MPHOSPH8: variants seen among roughly 807,000 people sequenced by gnomAD.
The protein encoded by MPHOSPH8 is M-phase phosphoprotein, mpp.
In MPHOSPH8, 45 loss-of-function variants were observed where a neutral mutation model predicts 87.3. The ratio of observed to expected loss-of-function variants is 0.52; its 90% confidence interval spans 0.41 to 0.66. The LOEUF is 0.66. MPHOSPH8 is among the 30% of genes least tolerant of loss of function. MPHOSPH8 has a pLI of 0.00. For synonymous variants in MPHOSPH8, 366 were observed against 376.9 expected (o/e 0.97, Z 0.33); for missense variants, 883 against 1,020.2 (o/e 0.87, Z 1.83).
intron 9 of MPHOSPH8, among the ~76,000 whole-genome samples, chr13:19,665,496 C>T (rs994109928): frequency 4.7e-5 from 7 of 148,952 alleles, no homozygotes; most frequent in Admixed American, 1.4e-4. Context: ...CGCTCTGTCC[C>T]GAGCCTGTCC....
chr13:19,634,584 G>A (rs1265632235), intron 1 of MPHOSPH8, among the ~76,000 whole-genome samples: 1 of 152,154 alleles, frequency 6.6e-6, no homozygotes, highest in Non-Finnish European at 1.5e-5. Context: ...TTCTTCTGGT[G>A]AAATCTTACT....
At chr13:19,652,977 C>T (rs539148933) in intron 5 of MPHOSPH8, among the ~76,000 whole-genome samples, 9 of 152,158 alleles carry the variant, frequency 5.9e-5, no homozygotes, top group Non-Finnish European at 8.8e-5. Context: ...CAGAGCAACT[C>T]GGGGAAGGGG....
At chr13:19,634,166 CA>C (rs1873865612) in intron 1 of MPHOSPH8, among the ~76,000 whole-genome samples, 1 of 152,154 alleles carries the variant, frequency 6.6e-6, no homozygotes, top group Admixed American at 6.5e-5. Flanking sequence ...GAAGCTTCAG[CA>C]AATTTTGGAG....
intron 5 of MPHOSPH8, among the ~76,000 whole-genome samples, chr13:19,655,038 C>T (rs1186887463): frequency 6.6e-6 from 1 of 152,112 alleles, no homozygotes; most frequent in East Asian, 1.9e-4. Context: ...TAATCTGGCC[C>T]TGTTTTAAAA....
chr13:19,634,133 C>T (rs940861422), intron 1 of MPHOSPH8, among the ~76,000 whole-genome samples, 172 bp downstream of exon 1: 3 of 152,184 alleles, frequency 2.0e-5, no homozygotes, highest in African/African-American at 4.8e-5. Flanking sequence ...TCCAACTGCA[C>T]TCTTAGGGCT....
intron 10 of MPHOSPH8, among the ~76,000 whole-genome samples, chr13:19,667,265 G>A (rs1261812335): frequency 6.6e-6 from 1 of 152,050 alleles, no homozygotes; most frequent in South Asian, 2.1e-4. Context: ...GTTGAGCGGA[G>A]GGTACAGATT....
At chr13:19,648,274 G>A (rs1316978883) in intron 3 of MPHOSPH8, 148 bp from the exon 4 acceptor site, 3 of 421,114 alleles carry the variant, frequency 7.1e-6, no homozygotes, top group Non-Finnish European at 1.3e-5. Context: ...ATTCTTTTGT[G>A]TGAAGAGGAT....
At chr13:19,656,205 G>A (rs1157029849) in intron 5 of MPHOSPH8, among the ~76,000 whole-genome samples, 1 of 148,120 alleles carries the variant, frequency 6.8e-6, no homozygotes, top group Non-Finnish European at 1.5e-5. Context: ...TTTGAGCCCA[G>A]GAGGCAGAGA....
chr13:19,637,333 A>G (rs1874060360), intron 1 of MPHOSPH8, among the ~76,000 whole-genome samples: 1 of 152,250 alleles, frequency 6.6e-6, no homozygotes, highest in African/African-American at 2.4e-5. Context: ...TTTAAAAATT[A>G]TCAGAAATGT....
At chr13:19,666,364 G>C (rs1166127081) in intron 9 of MPHOSPH8, 61 bp from the exon 10 acceptor site, 1 of 1,514,994 alleles carries the variant, frequency 6.6e-7, no homozygotes, top group African/African-American at 1.4e-5. Flanking sequence ...ATGGAGAAGG[G>C]ACCAGCACCC....
At chr13:19,643,712 G>A (rs546723346) in intron 2 of MPHOSPH8, among the ~76,000 whole-genome samples, 22 of 151,722 alleles carry the variant, frequency 1.5e-4, no homozygotes, top group African/African-American at 5.1e-4. Context: ...GTTACTATTG[G>A]TGCTAAAACT....
chr13:19,661,314 C>G (rs963899594), intron 7 of MPHOSPH8, among the ~76,000 whole-genome samples: 2 of 152,156 alleles, frequency 1.3e-5, no homozygotes, highest in African/African-American at 4.8e-5. Context: ...CACTTTATTG[C>G]TAAAAAATGC....
chr13:19,663,497 C>T (rs1875659328), intron 9 of MPHOSPH8, among the ~76,000 whole-genome samples: 2 of 152,248 alleles, frequency 1.3e-5, no homozygotes, highest in South Asian at 4.1e-4. Flanking sequence ...AGGGAGGCTG[C>T]TGGCCTCGAA....
At chr13:19,644,362 T>G (rs1218553451) in intron 2 of MPHOSPH8, among the ~76,000 whole-genome samples, 1 of 152,232 alleles carries the variant, frequency 6.6e-6, no homozygotes, top group African/African-American at 2.4e-5. Context: ...AGCATAATAT[T>G]CCTTTAATAT....
Position 19,650,172 on chromosome 13 carries a change from C to T in MPHOSPH8, c.1488C>T (p.Thr496=). 6.2e-7 allele frequency: 1 copy of T among 1,614,086 alleles called. No homozygotes were observed. Among genetic ancestry groups the T allele is most frequent in the Non-Finnish European group, 8.5e-7 (1 of 1,180,008 alleles). ...NKQSLKERRN[T]RDETDTWAYI... is the part of the protein sequence containing the mutation. ...AGTCACTTAAAGAAAGGAGAAACAC[C>T]AGAGACGAAACGGATACTTGGGCAT... Residue 496 remains threonine, a synonymous_variant, in exon 5 of 14, where the codon ACC becomes ACT. Coordinates refer to ENST00000361479, the MANE Select transcript of MPHOSPH8 (RefSeq NM_017520.4).
intron 7 of MPHOSPH8, chr13:19,659,678 AT>A (rs754125730): frequency 1.4e-4 from 63 of 434,918 alleles, no homozygotes; most frequent in South Asian, 9.6e-4. Flanking sequence ...AAAAAAAAAA[AT>A]AATGCACGTT....
chr13:19,662,870 C>T (rs966270774), intron 8 of MPHOSPH8, among the ~76,000 whole-genome samples, 170 bp from the exon 9 acceptor site: 1 of 152,202 alleles, frequency 6.6e-6, no homozygotes, highest in African/African-American at 2.4e-5. Context: ...ACGTTTGGGC[C>T]TCTGTGGGGC....
At chr13:19,661,206 G>C (rs1792377391) in intron 7 of MPHOSPH8, 1 of 154,018 alleles carries the variant, frequency 6.5e-6, no homozygotes, top group East Asian at 1.9e-4. Flanking sequence ...AAATTTGTTG[G>C]TTTCCTGGTG....
intron 1 of MPHOSPH8, among the ~76,000 whole-genome samples, chr13:19,637,613 C>CGGT (rs151291432): frequency 0.12 from 17,912 of 152,038 alleles, 1,179 homozygotes; most frequent in Middle Eastern, 0.21. Context: ...GCATGAGCCA[C>CGGT]CGCTCCTGGC....
Sources: allele counts gnomAD v4.1 joint callset (sites outside exome capture counted in the v4.1 genomes callset), GRCh38; gene constraint gnomAD v4.1.1; transcripts MANE v1.5; gene names NCBI Gene and HGNC (gene_info 2026-07-23, HGNC 2026-07-21).